The following WDR86 variants were observed in gnomAD, a reference collection of about 807,000 sequenced individuals.
The protein encoded by WDR86 is WD repeat-containing protein 86.
In WDR86, 30 loss-of-function variants were observed where a neutral mutation model predicts 36.5. That is an observed-to-expected ratio of 0.82 (90% CI 0.61 to 1.11). WDR86 has a LOEUF of 1.11. Among genes scored for constraint, WDR86 ranks in the 50% most tolerant of loss-of-function variants. The pLI is 0.00. For missense variants in WDR86, 545 were observed against 561.2 expected, an observed-to-expected ratio of 0.97 and a Z score of 0.29; for synonymous variants, 255 against 252.9, an observed-to-expected ratio of 1.01 and a Z score of -0.08.
At position 151,401,816 on chromosome 7, in the gene WDR86, G is replaced by A. The variant is rs543044996; in HGVS notation, c.164-1575C>T. 3.3e-5 allele frequency among the ~76,000 whole-genome samples: 5 copies of A among 151,728 alleles called. No homozygotes were observed. Among genetic ancestry groups the A allele is most frequent in the South Asian group, 2.1e-4 (1 of 4,822 alleles). On this transcript the variant is annotated intron_variant, in intron 1 of 5. Coordinates refer to ENST00000334493, the MANE Select transcript of WDR86 (RefSeq NM_198285.3). The surrounding 1 kb of genome is among the most constrained non-coding windows in gnomAD (Gnocchi z 4.3). ...TGTAATTCCAGCACTTTGGGAGGCC[G>A]AGGCGGGTGGATCACAAGGTCAGGA... is the stretch of plus-strand genomic sequence containing the variant.
chr7:151,383,197 A>G (rs1482080277), intron 4 of WDR86, among the ~76,000 whole-genome samples: 2 of 151,248 alleles, frequency 1.3e-5, no homozygotes, highest in African/African-American at 2.4e-5. Flanking sequence ...GGAGCTGGGC[A>G]CAGTGGCTCA....
At position 151,407,268 on chromosome 7, in the gene WDR86, G is replaced by A. The variant is rs868269532; in HGVS notation, c.163+2159C>T. 9.8e-5 allele frequency among the ~76,000 whole-genome samples: 15 copies of A among 152,328 alleles called. No homozygotes were observed. In the South Asian group the frequency reaches 2.1e-3, roughly 21 times the overall value. ...CAGTACCTCAAGGGGACAAGCAGCC[G>A]TGAGGGTCACCAAAGTGGGTGTGAA... On this transcript the variant is annotated intron_variant, in intron 1 of 5. Coordinates refer to ENST00000334493, the MANE Select transcript of WDR86 (RefSeq NM_198285.3).
downstream of WDR86, among the ~76,000 whole-genome samples, chr7:151,373,072 G>A (rs563920176): frequency 1.1e-3 from 161 of 152,274 alleles, no homozygotes; most frequent in Admixed American, 2.2e-3. Flanking sequence ...AGATGAGGCC[G>A]CTTTCCTGCT....
downstream of WDR86, chr7:151,376,622 G>A (rs774554393): frequency 1.3e-5 from 21 of 1,598,354 alleles, no homozygotes; most frequent in South Asian, 3.4e-5. Context: ...TGACCCCTGC[G>A]CTCTCCCCTA....
chr7:151,381,793 G>A lies in WDR86; in HGVS notation c.967-47C>T. ...TCACCGGTGACGCGGTAGGCGGGGG[G>A]GACACCGCTGCCCGCGTGGATGGAT... is the stretch of plus-strand genomic sequence containing the variant. On this transcript the variant is annotated intron_variant, in intron 5 of 5. Coordinates refer to ENST00000334493, the MANE Select transcript of WDR86 (RefSeq NM_198285.3). The surrounding 1 kb of genome is among the most constrained non-coding windows in gnomAD (Gnocchi z 4.8). The A allele has an allele frequency of 6.0e-6, 9 of 1,506,412 alleles. No individual in the cohort carries two copies. The South Asian group carries it at 1.2e-4, about 19-fold the overall frequency. 93.3% of individuals were successfully genotyped at this position (1,506,412 alleles called of 1,614,324 possible).
intron 4 of WDR86, 140 bp downstream of exon 4, chr7:151,384,948 G>A (rs1247911549): frequency 1.1e-6 from 1 of 950,282 alleles, no homozygotes; most frequent in Non-Finnish European, 1.5e-6. Context: ...ACGGGTGTGT[G>A]GAGAAGGAAC....
At chr7:151,403,779 A>G (rs1291576878) in intron 1 of WDR86, among the ~76,000 whole-genome samples, 1 of 152,206 alleles carries the variant, frequency 6.6e-6, no homozygotes, top group Non-Finnish European at 1.5e-5. Context: ...ATTGTCAATA[A>G]ACTTTCCCTG....
downstream of WDR86, among the ~76,000 whole-genome samples, chr7:151,380,746 G>A (rs1798508475): frequency 6.6e-6 from 1 of 152,006 alleles, no homozygotes. Flanking sequence ...CGCTGCCCTG[G>A]CTCCTGTGCA....
chr7:151,390,566 T>C lies in WDR86; in HGVS notation c.726+5210A>G, dbSNP rs939584195. On this transcript the variant is annotated intron_variant, in intron 3 of 5. Coordinates refer to ENST00000334493, the MANE Select transcript of WDR86 (RefSeq NM_198285.3). The surrounding 1 kb of genome is among the most constrained non-coding windows in gnomAD (Gnocchi z 4.5). ...ATCCGCAGTCCCACTGGCAGGCATATACCCGAGAACTGAAGGCAGGATGCA... is the reference window on the plus strand; with the variant it reads ...ATCCGCAGTCCCACTGGCAGGCATACACCCGAGAACTGAAGGCAGGATGCA... Among the ~76,000 whole-genome samples, 10 of 152,190 alleles carry C rather than the reference T, an allele frequency of 6.6e-5. No individual in the cohort carries two copies. Among genetic ancestry groups the C allele is most frequent in the African/African-American group, 2.4e-4 (10 of 41,458 alleles).
downstream of WDR86, among the ~76,000 whole-genome samples, chr7:151,379,701 A>C (rs1798465158): frequency 6.6e-6 from 1 of 152,228 alleles, no homozygotes; most frequent in Non-Finnish European, 1.5e-5. Context: ...AAGTGAGTGC[A>C]GCGCCCGTGT....
rs889211003 is a variant in WDR86 at position 151,388,103 on chromosome 7, C to T, written c.727-2880G>A. Among the ~76,000 whole-genome samples the T allele has an allele frequency of 1.2e-4, 19 of 152,214 alleles. No homozygotes were observed. The highest frequency in any genetic ancestry group is 1.1e-3 in the Admixed American group (17 of 15,286). ...GTTGGGTGAGACTCATGAACTGGTA[C>T]GACAGGGCTTTTGCAGCCAGAGACT... On this transcript the variant is annotated intron_variant, in intron 3 of 5. Transcript: ENST00000334493. This position sits in a 1 kb window ranked among gnomAD's most constrained non-coding sequence, Gnocchi z 4.2.
downstream of WDR86, among the ~76,000 whole-genome samples, chr7:151,378,803 CT>C (rs1378462277): frequency 6.6e-6 from 1 of 152,246 alleles, no homozygotes; most frequent in Non-Finnish European, 1.5e-5. Flanking sequence ...CTGTCCTGCG[CT>C]TGGTTCAGGC....
intron 3 of WDR86, among the ~76,000 whole-genome samples, chr7:151,394,414 G>C (rs1799659192): frequency 6.6e-6 from 1 of 152,232 alleles, no homozygotes; most frequent in Non-Finnish European, 1.5e-5. Flanking sequence ...GGGCTGCCCT[G>C]ACTCCAGCCC....
chr7:151,381,477 C>T lies in WDR86; in HGVS notation c.*105G>A. On this transcript the variant is annotated 3_prime_UTR_variant, in exon 6 of 6. Coordinates refer to ENST00000334493, the MANE Select transcript of WDR86 (RefSeq NM_198285.3). The surrounding 1 kb of genome is among the most constrained non-coding windows in gnomAD (Gnocchi z 4.8). ...CTCCTCCCGCCCGGGCTTCCTCGCT[C>T]CTCGCCCCTCGCCGGCCATCGGGCG... The T allele has an allele frequency of 2.7e-6, 4 of 1,469,872 alleles. No homozygotes were observed. Among genetic ancestry groups the T allele is most frequent in the Non-Finnish European group, 3.6e-6 (4 of 1,120,444 alleles). The allele number at this position is 1,469,872 out of a possible 1,614,324, so 91.1% of individuals were successfully genotyped here.
rs999341440 is a variant in WDR86, at chr7:151,406,321, C to G, written c.163+3106G>C. ...CCTTTGGCCCAAACTTTCCTAAGCT[C>G]TGCGAGACACCCAGGAAAGCCTGCG... On this transcript the variant is annotated intron_variant, in intron 1 of 5. Transcript: ENST00000334493. The surrounding 1 kb of genome is among the most constrained non-coding windows in gnomAD (Gnocchi z 4.4). Among the ~76,000 whole-genome samples the G allele has an allele frequency of 6.6e-6, 1 of 152,200 alleles. No homozygotes were observed. Among genetic ancestry groups the G allele is most frequent in the Non-Finnish European group, 1.5e-5 (1 of 68,040 alleles).
chr7:151,376,344 C>G (rs1428176996), downstream of WDR86: 2 of 490,554 alleles, frequency 4.1e-6, no homozygotes, highest in African/African-American at 3.8e-5. Context: ...GCTGTGGCCA[C>G]TGACCTCGCG....
At chr7:151,392,423 A>T (rs926220809) in intron 3 of WDR86, among the ~76,000 whole-genome samples, 1 of 152,174 alleles carries the variant, frequency 6.6e-6, no homozygotes, top group Non-Finnish European at 1.5e-5. Context: ...TTGTGTTTAC[A>T]GGGGTAAAAT....
Position 151,396,031 on chromosome 7 carries a change from C to T in WDR86, c.471G>A (p.Ala157=), listed in dbSNP as rs369396478. Residue 157 remains alanine (A), a synonymous_variant, in exon 3 of 6, where the codon GCG becomes GCA. Coordinates refer to ENST00000334493, the MANE Select transcript of WDR86 (RefSeq NM_198285.3). ...GAAGCCCCCCGGCCGCGGCCTCCTCCGCGCAGGGAGTGCTGGGGAGGTCCC... is the reference window on the plus strand; with the variant it reads ...GAAGCCCCCCGGCCGCGGCCTCCTCTGCGCAGGGAGTGCTGGGGAGGTCCC... ...APWDLPSTPC[A]EEAAAGGLLV... 1.2e-5 allele frequency: 20 copies of T among 1,608,038 alleles called. No homozygotes were observed. The highest frequency in any genetic ancestry group is 3.3e-4 in the Middle Eastern group (2 of 6,070).
In WDR86 at chr7:151,391,362, G is replaced by GCCCT. The variant is rs139132445; in HGVS notation, c.726+4410_726+4413dup. Reference sequence around the variant, plus strand: ...AGGACAGTGTGAGAAATGTCCCATAGCCCTAATCAAACCTGGCTTGTAAGG... The same window carrying GCCCT: ...AGGACAGTGTGAGAAATGTCCCATAGCCCTCCCTAATCAAACCTGGCTTGTAAGG... On this transcript the variant is annotated intron_variant, in intron 3 of 5. Coordinates refer to ENST00000334493, the MANE Select transcript of WDR86 (RefSeq NM_198285.3). Among the ~76,000 whole-genome samples, 432 of 152,340 alleles carry GCCCT rather than the reference G, an allele frequency of 2.8e-3. 3 individuals are homozygous for GCCCT. Among genetic ancestry groups the GCCCT allele is most frequent in the Middle Eastern group, 0.014 (4 of 294 alleles).
Sources: allele counts gnomAD v4.1 joint callset (sites outside exome capture counted in the v4.1 genomes callset), GRCh38; gene constraint gnomAD v4.1.1; non-coding constraint Gnocchi (gnomAD v3.1); transcripts MANE v1.5; gene names NCBI Gene and HGNC (gene_info 2026-07-23, HGNC 2026-07-21).